Variants in KDM4C observed in about 807,000 individuals in gnomAD.
The protein encoded by KDM4C is lysine demethylase 4C.
In KDM4C, 81 loss-of-function variants were observed where a neutral mutation model predicts 129.3. The ratio of observed to expected loss-of-function variants is 0.63; its 90% CI spans 0.52 to 0.75. KDM4C has a LOEUF of 0.75. KDM4C is among the 30% of genes least tolerant of loss of function. The probability of loss-of-function intolerance (pLI) is 0.00; values close to 1 mark genes in which losing one functional copy is unlikely to be tolerated. For synonymous variants in KDM4C, 573 were observed against 456.1 expected (o/e 1.26, Z -3.26); for missense variants, 1,457 against 1,304.0 (o/e 1.12, Z -1.81).
intron 1 of KDM4C, among the ~76,000 whole-genome samples, chr9:6,728,066 CAAAAAAAAAA>C (rs574486528): frequency 1.4e-5 from 1 of 73,930 alleles, no homozygotes; most frequent in Non-Finnish European, 2.5e-5. Context: ...CATGAAGCTG[CAAAAAAAAAA>C]AAAAAAAAAA....
chr9:7,094,628 G>A, intron 17 of KDM4C, among the ~76,000 whole-genome samples: 1 of 152,188 alleles, frequency 6.6e-6, no homozygotes, highest in South Asian at 2.1e-4. Context: ...TCCATGCGGA[G>A]GAACCCTATA....
chr9:6,982,672 A>C (rs1377326987), intron 9 of KDM4C: 3 of 152,216 alleles, frequency 2.0e-5, no homozygotes, highest in Non-Finnish European at 4.4e-5. Context: ...TCCAATCCTG[A>C]GTTCAGAATA....
intron 15 of KDM4C, among the ~76,000 whole-genome samples, chr9:7,019,484 G>C (rs933398565): frequency 6.6e-6 from 1 of 151,572 alleles, no homozygotes; most frequent in African/African-American, 2.4e-5. Flanking sequence ...TGAAGGTAAG[G>C]TTATTCATCA....
Position 6,758,081 on chromosome 9 carries a change from G to C in KDM4C, c.-140G>C, listed in dbSNP as rs899009839. The stretch of plus-strand genomic sequence containing the variant: ...GGCCGGGGTCCTGTGCGCGTGCGCA[G>C]CGAACAGCTGTCACCTAGTGCGGAA... On this transcript the variant is annotated 5_prime_UTR_variant, in exon 1 of 22. Transcript: ENST00000381309. This position sits in a 1 kb window ranked among gnomAD's most constrained non-coding sequence, Gnocchi z 4.6. 52 of 985,408 alleles carry C rather than the reference G, an allele frequency of 5.3e-5. No individual in the cohort carries two copies. The highest frequency in any genetic ancestry group is 5.9e-5 in the Non-Finnish European group (49 of 830,010). The allele number at this position is 985,408 out of a possible 1,614,324, so 61.0% of individuals were successfully genotyped here. A position where few individuals can be genotyped will look rare whatever the true frequency, so the allele number is the denominator to read the frequency against.
intron 6 of KDM4C, among the ~76,000 whole-genome samples, chr9:6,882,104 A>G (rs1844541620): frequency 6.6e-6 from 1 of 152,220 alleles, no homozygotes; most frequent in South Asian, 2.1e-4. Flanking sequence ...TGCATCTAAT[A>G]AAGCCAGGAG....
At chr9:7,127,173 T>C (rs940674007) in intron 18 of KDM4C, among the ~76,000 whole-genome samples, 1 of 152,152 alleles carries the variant, frequency 6.6e-6, no homozygotes, top group African/African-American at 2.4e-5. Flanking sequence ...TACACCACCA[T>C]TGCAGTAAAG....
chr9:7,026,529 C>A (rs1288089860), intron 15 of KDM4C, among the ~76,000 whole-genome samples: 1 of 151,708 alleles, frequency 6.6e-6, no homozygotes, highest in Non-Finnish European at 1.5e-5. Context: ...TTCCCCTTGA[C>A]CTTTGGGAGT....
chr9:6,992,228 T>G (rs530242751), intron 12 of KDM4C, among the ~76,000 whole-genome samples: 2 of 152,332 alleles, frequency 1.3e-5, no homozygotes, highest in South Asian at 4.1e-4. Context: ...GAAAGCTGCT[T>G]TCTCCTGTGT....
chr9:6,826,522 G>T (rs913255593), intron 4 of KDM4C, among the ~76,000 whole-genome samples: 7 of 152,040 alleles, frequency 4.6e-5, no homozygotes, highest in Non-Finnish European at 1.5e-5. Flanking sequence ...TTGACCCATT[G>T]TGAATGCTTT....
intron 19 of KDM4C, among the ~76,000 whole-genome samples, chr9:7,153,493 A>C (rs1020531589): frequency 6.6e-6 from 1 of 152,208 alleles, no homozygotes; most frequent in Non-Finnish European, 1.5e-5. Context: ...GCTGCCGGTC[A>C]TCTAGGACCA....
intron 1 of KDM4C, among the ~76,000 whole-genome samples, chr9:6,739,570 G>A (rs1817624693): frequency 6.6e-6 from 1 of 151,608 alleles, no homozygotes; most frequent in South Asian, 2.1e-4. Flanking sequence ...TTACCCATTT[G>A]GTTTTACTCA....
chr9:7,110,927 A>C (rs1309231522), intron 18 of KDM4C, among the ~76,000 whole-genome samples: 1 of 152,232 alleles, frequency 6.6e-6, no homozygotes, highest in Non-Finnish European at 1.5e-5. Flanking sequence ...GATCATCAAA[A>C]ATATGGCTTA....
chr9:6,983,143 C>G (rs1237840203), intron 9 of KDM4C, among the ~76,000 whole-genome samples: 1 of 152,198 alleles, frequency 6.6e-6, no homozygotes, highest in Non-Finnish European at 1.5e-5. Flanking sequence ...TTACTGCCAT[C>G]AGTAGCAGTG....
chr9:6,966,703 A>G (rs1266052637), intron 8 of KDM4C, among the ~76,000 whole-genome samples: 2 of 152,184 alleles, frequency 1.3e-5, no homozygotes, highest in Non-Finnish European at 2.9e-5. Context: ...TTTTTTGTCA[A>G]AGGCATCCAA....
intron 1 of KDM4C, among the ~76,000 whole-genome samples, chr9:6,765,213 C>G (rs760873254): frequency 6.6e-6 from 1 of 152,178 alleles, no homozygotes; most frequent in African/African-American, 2.4e-5. Flanking sequence ...CATGTCTTAT[C>G]TAGATGGTTT....
chr9:7,116,355 A>G (rs1323407), intron 18 of KDM4C, among the ~76,000 whole-genome samples: 68,123 of 151,908 alleles, frequency 0.45, 15,603 homozygotes, highest in East Asian at 0.75. Context: ...TGTCATGTTT[A>G]TTACATATTT....
chr9:6,790,988 C>T lies in KDM4C; in HGVS notation c.-17-1984C>T, dbSNP rs533103659. 1.2e-4 allele frequency among the ~76,000 whole-genome samples: 18 copies of T among 152,286 alleles called. No homozygotes were observed. In the South Asian group the frequency reaches 2.3e-3, roughly 19 times the overall value. On this transcript the variant is annotated intron_variant, in intron 1 of 21. Coordinates refer to ENST00000381309, the MANE Select transcript of KDM4C (RefSeq NM_015061.6). ...CCAGACACATTATTAAACTCCTGTC[C>T]GTTCCAGCGGTACTTCCAGATATTT...
At chr9:6,950,563 C>A (rs10815487) in intron 8 of KDM4C, among the ~76,000 whole-genome samples, 112,736 of 152,034 alleles carry the variant, frequency 0.74, 42,240 homozygotes, top group East Asian at 1. Context: ...CCTCATTGTC[C>A]CTTAGCAATT....
chr9:6,880,802 T>TTA (rs1844329987), intron 6 of KDM4C, among the ~76,000 whole-genome samples: 1 of 152,176 alleles, frequency 6.6e-6, no homozygotes, highest in East Asian at 1.9e-4. Context: ...TCCTTTTTTT[T>TTA]AAAGATAAGC....
Sources: gnomAD v4.1 joint callset for allele counts (sites outside exome capture counted in the v4.1 genomes callset) on GRCh38, gnomAD v4.1.1 for gene constraint, Gnocchi (gnomAD v3.1) non-coding constraint, MANE v1.5 for transcripts, NCBI Gene and HGNC (gene_info 2026-07-23, HGNC 2026-07-21) for gene names.